KCTD16: variants seen among roughly 807,000 people sequenced by gnomAD.
KCTD16 encodes BTB/POZ domain-containing protein KCTD16.
Under a neutral mutation model 33.2 loss-of-function variants are expected in KCTD16, and 13 were observed. That is an observed-to-expected ratio of 0.39 (90% confidence interval 0.25 to 0.62). The LOEUF is 0.62. Ranked by LOEUF, KCTD16 falls within the 20% of genes least tolerant of loss-of-function variation. The pLI is 0.50. For missense variants in KCTD16, 441 were observed against 525.1 expected (o/e 0.84, Z 1.57); for synonymous variants, 197 against 195.3 (o/e 1.01, Z -0.07).
At chr5:144,289,301 C>A (rs1755832198) in intron 3 of KCTD16, among the ~76,000 whole-genome samples, 1 of 152,214 alleles carries the variant, frequency 6.6e-6, no homozygotes, top group African/African-American at 2.4e-5. Context: ...AATGTTCTGA[C>A]ACCCCATGAG....
chr5:144,388,065 G>GTT (rs397999492), intron 3 of KCTD16, among the ~76,000 whole-genome samples: 1,590 of 73,644 alleles, frequency 0.022, 292 homozygotes, highest in East Asian at 0.035. Flanking sequence ...TTTAGAGCAA[G>GTT]TTTTTTTTTT....
intron 3 of KCTD16, among the ~76,000 whole-genome samples, chr5:144,318,284 T>C (rs555000478): frequency 6.6e-6 from 1 of 152,228 alleles, no homozygotes; most frequent in South Asian, 2.1e-4. Context: ...TATATATTAG[T>C]ACACACTTTG....
intron 3 of KCTD16, among the ~76,000 whole-genome samples, chr5:144,418,609 A>C (rs1580949093): frequency 6.6e-6 from 1 of 152,150 alleles, no homozygotes; most frequent in Non-Finnish European, 1.5e-5. Flanking sequence ...CTTGTCAAAC[A>C]TCAGTTAGCC....
At chr5:144,232,567 A>G (rs530132883) in intron 3 of KCTD16, among the ~76,000 whole-genome samples, 2 of 152,316 alleles carry the variant, frequency 1.3e-5, no homozygotes, top group Non-Finnish European at 2.9e-5. Flanking sequence ...AAGCTATCAA[A>G]TCGTCTTTTT....
intron 3 of KCTD16, among the ~76,000 whole-genome samples, chr5:144,313,023 G>A (rs549552851): frequency 2.0e-5 from 3 of 152,220 alleles, no homozygotes; most frequent in Middle Eastern, 6.8e-3. Flanking sequence ...AGTAAAAGAT[G>A]GAAAAAACCA....
At chr5:144,253,155 A>G (rs969014766) in intron 3 of KCTD16, among the ~76,000 whole-genome samples, 5 of 152,082 alleles carry the variant, frequency 3.3e-5, no homozygotes, top group African/African-American at 1.2e-4. Context: ...TGTCATATTT[A>G]TCCCCAGGCC....
At chr5:144,194,264 A>C (rs1468165938) in intron 2 of KCTD16, among the ~76,000 whole-genome samples, 1 of 152,272 alleles carries the variant, frequency 6.6e-6, no homozygotes, top group Non-Finnish European at 1.5e-5. Context: ...TCTGGAGCTT[A>C]TGGGGCCAGA....
At chr5:144,210,112 T>C (rs1753328687) in intron 3 of KCTD16, among the ~76,000 whole-genome samples, 1 of 151,994 alleles carries the variant, frequency 6.6e-6, no homozygotes, top group African/African-American at 2.4e-5. Context: ...GCCTATTTTT[T>C]CTTCTGAGTC....
At chr5:144,298,655 G>C (rs1164114094) in intron 3 of KCTD16, among the ~76,000 whole-genome samples, 1 of 152,110 alleles carries the variant, frequency 6.6e-6, no homozygotes, top group Non-Finnish European at 1.5e-5. Flanking sequence ...AGGCCCCACA[G>C]TAAAGCCAGT....
chr5:144,205,419 C>A, intron 2 of KCTD16: 1 of 398,142 alleles, frequency 2.5e-6, no homozygotes, highest in South Asian at 1.3e-4. Context: ...ACTGTGGAAC[C>A]ACCCAGCTCC....
chr5:144,454,112 A>T (rs1166492005), intron 3 of KCTD16, among the ~76,000 whole-genome samples: 1 of 152,238 alleles, frequency 6.6e-6, no homozygotes, highest in African/African-American at 2.4e-5. Context: ...CAATGAATCA[A>T]CAGTCTTTAA....
At chr5:144,415,501 A>G (rs966911810) in intron 3 of KCTD16, among the ~76,000 whole-genome samples, 2 of 152,168 alleles carry the variant, frequency 1.3e-5, no homozygotes, top group African/African-American at 4.8e-5. Flanking sequence ...TTTATGAGCC[A>G]ATAAAATTTT....
rs748931259 is a variant in KCTD16 at position 144,206,573 on chromosome 5, A to G, written c.-142A>G. 1.6e-5 allele frequency: 11 copies of G among 701,366 alleles called. No homozygotes were observed. Among genetic ancestry groups the G allele is most frequent in the Non-Finnish European group, 2.6e-5 (11 of 423,662 alleles). The allele number at this position is 701,366 out of a possible 1,614,324, so 43.4% of individuals were successfully genotyped here. ...CTTATACATTTTGATTTCTTGGGGG[A>G]AAAATACTGGGATAAGAGGAGGTCA... On this transcript the variant is annotated 5_prime_UTR_variant, in exon 3 of 4. Transcript: ENST00000512467.
chr5:144,280,050 T>C lies in KCTD16; in HGVS notation c.832+72504T>C, dbSNP rs139912011. On this transcript the variant is annotated intron_variant, in intron 3 of 3. Coordinates refer to ENST00000512467, the MANE Select transcript of KCTD16 (RefSeq NM_020768.4). ...CTCAACCTATACTTGTTTTAATGTG[T>C]TACTGGATTTGACTTTTTAATATTG... is the stretch of plus-strand genomic sequence containing the variant. Among the ~76,000 whole-genome samples, 822 of 152,310 alleles carry C rather than the reference T, an allele frequency of 5.4e-3. 6 individuals carry two copies. The highest frequency in any genetic ancestry group is 0.019 in the African/African-American group (770 of 41,568).
chr5:144,443,079 C>T (rs1160030898), intron 3 of KCTD16, among the ~76,000 whole-genome samples: 2 of 152,078 alleles, frequency 1.3e-5, no homozygotes, highest in Admixed American at 6.6e-5. Context: ...TGCCTAGAAT[C>T]AAGCTTCTGC....
rs139682673 is a variant in KCTD16, at chr5:144,420,599, G to T, written c.833-53061G>T. On this transcript the variant is annotated intron_variant, in intron 3 of 3. Coordinates refer to ENST00000512467, the MANE Select transcript of KCTD16 (RefSeq NM_020768.4). The stretch of plus-strand genomic sequence containing the variant: ...ATAGAACAACTGTACTTTTTTTATA[G>T]AGGCTGAGGATTGAATCCATGTTTG... Among the ~76,000 whole-genome samples, 23 of 152,090 alleles carry T rather than the reference G, an allele frequency of 1.5e-4. No individual in the cohort carries two copies. In the East Asian group the frequency reaches 3.7e-3, roughly 24 times the overall value.
At chr5:144,451,003 G>A (rs1477965562) in intron 3 of KCTD16, among the ~76,000 whole-genome samples, 1 of 152,060 alleles carries the variant, frequency 6.6e-6, no homozygotes, top group African/African-American at 2.4e-5. Context: ...AGAACACAAG[G>A]AAATTTTGGA....
intron 3 of KCTD16, among the ~76,000 whole-genome samples, chr5:144,322,367 T>C (rs948894137): frequency 6.6e-6 from 1 of 152,120 alleles, no homozygotes; most frequent in Non-Finnish European, 1.5e-5. Context: ...TGACATGTGA[T>C]ATAAGTTGAT....
intron 3 of KCTD16, among the ~76,000 whole-genome samples, chr5:144,334,063 C>T (rs1752421282): frequency 6.6e-6 from 1 of 152,150 alleles, no homozygotes; most frequent in South Asian, 2.1e-4. Flanking sequence ...AGTATATTTG[C>T]CTTAGAAAGC....
Sources: gnomAD v4.1 joint callset for allele counts (sites outside exome capture counted in the v4.1 genomes callset) on GRCh38, gnomAD v4.1.1 for gene constraint, MANE v1.5 for transcripts, NCBI Gene and HGNC (gene_info 2026-07-23, HGNC 2026-07-21) for gene names.